Variants in PID1 observed in about 807,000 individuals in gnomAD.
The protein encoded by PID1 is PTB-containing, cubilin and LRP1-interacting protein.
A neutral mutation model predicts 19.1 loss-of-function variants in PID1; 10 were observed. The observed-to-expected ratio is 0.52, with a 90% CI of 0.32 to 0.89. The LOEUF (loss-of-function observed/expected upper bound fraction) is 0.89. PID1 is among the 40% of genes least tolerant of loss of function. The pLI is 0.03. For missense variants in PID1, 248 were observed against 285.3 expected, an observed-to-expected ratio of 0.87 and a Z score of 0.94; for synonymous variants, 130 against 116.0, an observed-to-expected ratio of 1.12 and a Z score of -0.78.
At chr2:229,071,428 G>A (rs922590965) in intron 2 of PID1, among the ~76,000 whole-genome samples, 1 of 152,146 alleles carries the variant, frequency 6.6e-6, no homozygotes, top group Non-Finnish European at 1.5e-5. Flanking sequence ...CACATGCTAA[G>A]CGCCAAGCAC....
intron 2 of PID1, among the ~76,000 whole-genome samples, chr2:229,073,246 C>T (rs1176620641): frequency 6.6e-6 from 1 of 152,220 alleles, no homozygotes; most frequent in Non-Finnish European, 1.5e-5. Flanking sequence ...AGGATGGTCT[C>T]GATCTCCTGA....
chr2:229,235,351 C>T (rs1401623521), intron 1 of PID1, among the ~76,000 whole-genome samples: 1 of 152,172 alleles, frequency 6.6e-6, no homozygotes, highest in African/African-American at 2.4e-5. Context: ...AAAGTTTGCA[C>T]TCAAGGGAGC....
chr2:229,140,800 T>A (rs897762859), intron 2 of PID1, among the ~76,000 whole-genome samples: 3 of 152,126 alleles, frequency 2.0e-5, no homozygotes, highest in Non-Finnish European at 4.4e-5. Context: ...TAATAAACCC[T>A]ATCTCTAAAA....
At chr2:229,031,589 G>C (rs1298567510) in intron 2 of PID1, among the ~76,000 whole-genome samples, 1 of 151,642 alleles carries the variant, frequency 6.6e-6, no homozygotes, top group African/African-American at 2.4e-5. Flanking sequence ...GAAAAGGAAA[G>C]AAAGGAAAAG....
At chr2:229,042,602 G>A (rs1693793994) in intron 2 of PID1, among the ~76,000 whole-genome samples, 3 of 152,274 alleles carry the variant, frequency 2.0e-5, no homozygotes, top group Admixed American at 6.5e-5. Context: ...GGAGGAGAGT[G>A]TATCCAGGGA....
intron 2 of PID1, among the ~76,000 whole-genome samples, chr2:229,040,445 T>G (rs769122037): frequency 8.5e-5 from 13 of 152,124 alleles, no homozygotes; most frequent in Non-Finnish European, 1.5e-4. Flanking sequence ...AAAAAACTGA[T>G]TACCAACATG....
At chr2:229,234,791 G>A (rs1021362506) in intron 1 of PID1, among the ~76,000 whole-genome samples, 2 of 152,142 alleles carry the variant, frequency 1.3e-5, no homozygotes, top group African/African-American at 2.4e-5. Flanking sequence ...TAAGTCTGGA[G>A]TTTCTGATAG....
At chr2:229,166,436 T>C (rs917196224) in intron 1 of PID1, among the ~76,000 whole-genome samples, 24 of 152,326 alleles carry the variant, frequency 1.6e-4, no homozygotes, top group African/African-American at 5.5e-4. Context: ...ATGTCGAGTA[T>C]ACCTCATTAA....
chr2:229,209,841 A>G (rs1691688574), intron 1 of PID1, among the ~76,000 whole-genome samples: 1 of 152,204 alleles, frequency 6.6e-6, no homozygotes, highest in Non-Finnish European at 1.5e-5. Flanking sequence ...TTATTTGTCA[A>G]TTGCTTAAGG....
intron 2 of PID1, among the ~76,000 whole-genome samples, chr2:229,033,966 C>A (rs1456621206): frequency 6.6e-6 from 1 of 152,186 alleles, no homozygotes; most frequent in Non-Finnish European, 1.5e-5. Flanking sequence ...CAGCTTGAAT[C>A]TGCTCCTTTC....
intron 2 of PID1, among the ~76,000 whole-genome samples, chr2:229,145,183 A>ATG (rs1559255319): frequency 1.4e-5 from 2 of 145,852 alleles, no homozygotes; most frequent in Non-Finnish European, 3.0e-5. Flanking sequence ...ATATATATAT[A>ATG]TATATAAACT....
chr2:229,152,969 T>C (rs769751279), intron 2 of PID1, among the ~76,000 whole-genome samples: 4 of 152,200 alleles, frequency 2.6e-5, no homozygotes, highest in Non-Finnish European at 5.9e-5. Context: ...GGGCCCGGGC[T>C]ACATTGTGTT....
chr2:229,126,138 T>A (rs1265205583), intron 2 of PID1, among the ~76,000 whole-genome samples: 1 of 152,196 alleles, frequency 6.6e-6, no homozygotes, highest in Non-Finnish European at 1.5e-5. Context: ...ACTTGCCAGA[T>A]GCAACAGTAA....
intron 2 of PID1, among the ~76,000 whole-genome samples, chr2:229,068,930 C>A (rs1179916360): frequency 6.6e-6 from 1 of 152,164 alleles, no homozygotes; most frequent in Non-Finnish European, 1.5e-5. Flanking sequence ...GTGGTGCAGG[C>A]AGTCCTTTGC....
intron 1 of PID1, among the ~76,000 whole-genome samples, chr2:229,210,729 A>C (rs1691714781): frequency 6.6e-6 from 1 of 152,068 alleles, no homozygotes; most frequent in African/African-American, 2.4e-5. Context: ...ATATGGTGCT[A>C]GAAGCCAGCA....
intron 1 of PID1, among the ~76,000 whole-genome samples, chr2:229,163,686 T>TGCGCGCGCGTGCGC (rs139467763): frequency 1.0e-4 from 13 of 124,900 alleles, no homozygotes; most frequent in Non-Finnish European, 1.9e-4. Context: ...CGTGTGCGTG[T>TGCGCGCGCGTGCGC]GTGTGTGTGT....
chr2:229,186,253 T>G (rs1490486620), intron 1 of PID1, among the ~76,000 whole-genome samples: 1 of 152,170 alleles, frequency 6.6e-6, no homozygotes, highest in Non-Finnish European at 1.5e-5. Context: ...CCTGCTTTAG[T>G]GGGCTGGCAT....
chr2:229,182,428 C>T (rs1343294845), intron 1 of PID1, among the ~76,000 whole-genome samples: 1 of 151,996 alleles, frequency 6.6e-6, no homozygotes, highest in Non-Finnish European at 1.5e-5. Context: ...AAAAAGCCTC[C>T]CTAGAACAAC....
At chr2:229,240,173 A>G (rs894694658) in intron 1 of PID1, among the ~76,000 whole-genome samples, 2 of 152,184 alleles carry the variant, frequency 1.3e-5, no homozygotes, top group African/African-American at 2.4e-5. Context: ...TTCCAAAATC[A>G]CTTCATCCTG....
Sources: gnomAD v4.1 joint callset for allele counts (sites outside exome capture counted in the v4.1 genomes callset) on GRCh38, gnomAD v4.1.1 for gene constraint, MANE v1.5 for transcripts, NCBI Gene and HGNC (gene_info 2026-07-23, HGNC 2026-07-21) for gene names.